The following RTL4 variants were observed in gnomAD, a reference collection of about 807,000 sequenced individuals.
RTL4 encodes retrotransposon Gag-like protein 4.
Under a neutral mutation model 5.3 loss-of-function variants are expected in RTL4, and 4 were observed. That is an observed-to-expected ratio of 0.75 (90% CI 0.37 to 1.72). RTL4 has a LOEUF of 1.72. RTL4 is among the 40% of genes most tolerant of loss of function. The pLI is 0.04. For synonymous variants in RTL4, 98 were observed against 87.3 expected (o/e 1.12, Z -0.68); for missense variants, 260 against 227.1 (o/e 1.14, Z -0.93).
At chrX:112,171,167 T>C in the RTL4 span, among the ~76,000 whole-genome samples, 2 of 112,091 alleles carry the variant, frequency 1.8e-5, no homozygotes, top group Non-Finnish European at 3.8e-5. Context: ...ATTGAGGTTT[T>C]TTTTGCATCA....
the RTL4 span, among the ~76,000 whole-genome samples, chrX:112,363,002 C>T: frequency 4.5e-5 from 5 of 110,996 alleles, no homozygotes; most frequent in Non-Finnish European, 9.5e-5. Flanking sequence ...AGCAGCCTTC[C>T]CTCCCTTCTC....
At chrX:112,098,271 C>T in the RTL4 span, among the ~76,000 whole-genome samples, 1 of 110,176 alleles carries the variant, frequency 9.1e-6, no homozygotes, top group East Asian at 2.9e-4. Flanking sequence ...CATCCATGTC[C>T]CTACAAAGGA....
the RTL4 span, among the ~76,000 whole-genome samples, chrX:112,437,016 C>T: frequency 8.9e-6 from 1 of 111,916 alleles, no homozygotes; most frequent in Non-Finnish European, 1.9e-5. Flanking sequence ...CAGTGTCTTT[C>T]ATATACCAAT....
the RTL4 span, among the ~76,000 whole-genome samples, chrX:112,377,306 T>C: frequency 1.4e-4 from 16 of 111,835 alleles, no homozygotes; most frequent in African/African-American, 5.2e-4. Context: ...AAAATGCATT[T>C]AATACACCAA....
the RTL4 span, among the ~76,000 whole-genome samples, chrX:112,161,790 T>TTCCC: frequency 1.9e-4 from 4 of 21,121 alleles, no homozygotes; most frequent in East Asian, 3.8e-3. Flanking sequence ...GTTGCTTTTC[T>TTCCC]TCCTTCCTTC....
chrX:112,121,763 A>G, the RTL4 span, among the ~76,000 whole-genome samples: 23 of 111,660 alleles, frequency 2.1e-4, no homozygotes, highest in Non-Finnish European at 3.8e-4. Flanking sequence ...TCAGACATGC[A>G]TGGTCTTATT....
chrX:112,089,217 C>G, the RTL4 span, among the ~76,000 whole-genome samples: 1 of 110,541 alleles, frequency 9.0e-6, no homozygotes, highest in Non-Finnish European at 1.9e-5. Flanking sequence ...CCCATTAACT[C>G]GTAATTTAGC....
the RTL4 span, among the ~76,000 whole-genome samples, chrX:112,225,211 C>T: frequency 1.1e-4 from 12 of 111,517 alleles, no homozygotes; most frequent in Admixed American, 7.7e-4. Context: ...CTGCATTCCA[C>T]GCTCCAAACC....
chrX:112,290,046 A>C, the RTL4 span, among the ~76,000 whole-genome samples: 58 of 111,551 alleles, frequency 5.2e-4, no homozygotes, highest in Admixed American at 3.9e-3. Context: ...TGCAGACAAC[A>C]TGAAGTAGCC....
the RTL4 span, among the ~76,000 whole-genome samples, chrX:112,256,662 A>C: frequency 3.9e-4 from 44 of 111,808 alleles, 1 homozygote; most frequent in East Asian, 0.011. Context: ...GAACACTTAC[A>C]TTTCTCCATC....
At chrX:112,351,077 T>C in the RTL4 span, among the ~76,000 whole-genome samples, 6 of 111,285 alleles carry the variant, frequency 5.4e-5, no homozygotes, top group African/African-American at 1.6e-4. Flanking sequence ...TCTTTGTTCT[T>C]GTTGGTTTCA....
At chrX:112,288,812 T>C in the RTL4 span, among the ~76,000 whole-genome samples, 1 of 111,696 alleles carries the variant, frequency 9.0e-6, no homozygotes, top group African/African-American at 3.3e-5. Flanking sequence ...TCTTAAGCTC[T>C]ATTAGAAGTG....
the RTL4 span, among the ~76,000 whole-genome samples, chrX:112,277,238 A>G: frequency 1.3e-3 from 148 of 111,403 alleles, no homozygotes; most frequent in Non-Finnish European, 2.4e-3. Context: ...CTTTCTTCCC[A>G]TACTCAGCTC....
the RTL4 span, among the ~76,000 whole-genome samples, chrX:112,356,141 T>C: frequency 3.6e-5 from 4 of 111,211 alleles, no homozygotes; most frequent in African/African-American, 9.8e-5. Context: ...CAGAGAGTAA[T>C]TGAGATGATA....
the RTL4 span, among the ~76,000 whole-genome samples, chrX:112,301,860 G>T: frequency 9.1e-6 from 1 of 109,526 alleles, no homozygotes; most frequent in Non-Finnish European, 1.9e-5. Flanking sequence ...AGCTACTCAG[G>T]AGGCTGAGGC....
chrX:112,104,735 A>T, the RTL4 span, among the ~76,000 whole-genome samples: 1 of 111,078 alleles, frequency 9.0e-6, no homozygotes, highest in Middle Eastern at 4.7e-3. Flanking sequence ...TCCCATTTTT[A>T]ATTGGGTTAT....
chrX:112,164,146 CT>C, the RTL4 span, among the ~76,000 whole-genome samples: 2 of 111,724 alleles, frequency 1.8e-5, no homozygotes, highest in Non-Finnish European at 3.8e-5. Context: ...CCCAGACAGC[CT>C]AACCCCAAAG....
the RTL4 span, among the ~76,000 whole-genome samples, chrX:112,353,276 G>A: frequency 2.7e-5 from 3 of 111,298 alleles, no homozygotes; most frequent in Non-Finnish European, 3.8e-5. Flanking sequence ...TCAGTGTGGC[G>A]ATTCCTCAGG....
chrX:112,314,368 G>A, the RTL4 span, among the ~76,000 whole-genome samples: 3 of 109,578 alleles, frequency 2.7e-5, no homozygotes, highest in African/African-American at 1.0e-4. Context: ...TTTTGGTCCT[G>A]GGAGTTCCCC....
Sources: allele counts gnomAD v4.1 joint callset (sites outside exome capture counted in the v4.1 genomes callset), GRCh38; gene constraint gnomAD v4.1.1; transcripts MANE v1.5; gene names NCBI Gene and HGNC (gene_info 2026-07-23, HGNC 2026-07-21).